DPF3: variants seen among roughly 807,000 people sequenced by gnomAD.
DPF3 encodes the protein double PHD fingers 3.
A neutral mutation model predicts 56.8 loss-of-function variants in DPF3; 18 were observed. The observed-to-expected ratio is 0.32, with a 90% CI of 0.22 to 0.47. The LOEUF (loss-of-function observed/expected upper bound fraction) is 0.47, where lower values mean the gene tolerates loss of function less well. DPF3 is among the 20% of genes least tolerant of loss of function. The probability of loss-of-function intolerance (pLI) is 1.00; values close to 1 mark genes in which losing one functional copy is unlikely to be tolerated. For synonymous variants in DPF3, 188 were observed against 180.2 expected (o/e 1.04, Z -0.35); for missense variants, 403 against 488.8 (o/e 0.82, Z 1.65).
At chr14:72,867,739 T>C (rs1190848595) in intron 1 of DPF3, among the ~76,000 whole-genome samples, 1 of 152,226 alleles carries the variant, frequency 6.6e-6, no homozygotes, top group Admixed American at 6.5e-5. Context: ...ATAAGTTTGT[T>C]TTTTGTTTTT....
intron 3 of DPF3, among the ~76,000 whole-genome samples, chr14:72,748,860 G>C (rs891982387): frequency 6.6e-6 from 1 of 152,210 alleles, no homozygotes; most frequent in African/African-American, 2.4e-5. Context: ...GGAAACCTCT[G>C]CCTAGATTTC....
At chr14:72,741,664 C>A (rs1163813936) in intron 3 of DPF3, among the ~76,000 whole-genome samples, 3 of 152,262 alleles carry the variant, frequency 2.0e-5, no homozygotes, top group African/African-American at 7.2e-5. Flanking sequence ...CTCTTTCCCT[C>A]ATCCCTTTAG....
intron 8 of DPF3, among the ~76,000 whole-genome samples, chr14:72,669,742 C>A (rs1886587667): frequency 6.6e-6 from 1 of 152,128 alleles, no homozygotes; most frequent in African/African-American, 2.4e-5. Flanking sequence ...GATCACACAC[C>A]TATGCCAGGG....
intron 8 of DPF3, among the ~76,000 whole-genome samples, chr14:72,668,644 A>T (rs879753691): frequency 1.3e-5 from 2 of 152,122 alleles, no homozygotes; most frequent in Non-Finnish European, 2.9e-5. Flanking sequence ...CTCTGAAATT[A>T]GGTAGCCTTT....
chr14:72,830,277 G>C (rs758563845), intron 1 of DPF3, among the ~76,000 whole-genome samples: 1 of 152,196 alleles, frequency 6.6e-6, no homozygotes, highest in African/African-American at 2.4e-5. Context: ...GGAGGGGAAG[G>C]AGAAGGGGGA....
intron 7 of DPF3, among the ~76,000 whole-genome samples, chr14:72,690,380 G>A (rs371879575): frequency 2.0e-4 from 30 of 152,144 alleles, no homozygotes; most frequent in South Asian, 1.5e-3. Flanking sequence ...CTTCTACTTC[G>A]GGTCTGCAGC....
chr14:72,865,477 C>T (rs752614863), intron 1 of DPF3, among the ~76,000 whole-genome samples: 16 of 152,332 alleles, frequency 1.1e-4, no homozygotes, highest in Middle Eastern at 3.4e-3. Flanking sequence ...CGACGAAGTT[C>T]CTGCTTCTTG....
At chr14:72,623,375 A>G (rs1037855835) in intron 9 of DPF3, among the ~76,000 whole-genome samples, 1 of 152,258 alleles carries the variant, frequency 6.6e-6, no homozygotes. Flanking sequence ...AATTGGTAGC[A>G]TAACCACACA....
intron 8 of DPF3, among the ~76,000 whole-genome samples, chr14:72,638,197 T>G (rs1030106944): frequency 6.6e-6 from 1 of 152,234 alleles, no homozygotes; most frequent in Non-Finnish European, 1.5e-5. Flanking sequence ...TTTTAAATGC[T>G]TCTCTGGATT....
intron 2 of DPF3, among the ~76,000 whole-genome samples, chr14:72,759,764 G>A (rs1183240142): frequency 6.6e-6 from 1 of 151,928 alleles, no homozygotes; most frequent in East Asian, 1.9e-4. Context: ...TAGTGATAAA[G>A]AGAAAATATT....
At chr14:72,854,290 A>T (rs1599497864) in intron 1 of DPF3, among the ~76,000 whole-genome samples, 1 of 151,284 alleles carries the variant, frequency 6.6e-6, no homozygotes, top group Non-Finnish European at 1.5e-5. Context: ...CGGGAGGTGG[A>T]GGTTGCAGTG....
At chr14:72,621,532 A>G (rs1214036990) in intron 9 of DPF3, among the ~76,000 whole-genome samples, 1 of 152,220 alleles carries the variant, frequency 6.6e-6, no homozygotes, top group Admixed American at 6.5e-5. Context: ...TTGTCATGCT[A>G]AAACCCGTCA....
intron 10 of DPF3, among the ~76,000 whole-genome samples, chr14:72,619,612 C>G (rs1473565390): frequency 6.6e-6 from 1 of 152,206 alleles, no homozygotes; most frequent in African/African-American, 2.4e-5. Flanking sequence ...GTCGCCGGGC[C>G]TGCGCCAGTT....
chr14:72,773,780 T>C (rs1891641459), intron 1 of DPF3: 1 of 453,788 alleles, frequency 2.2e-6, no homozygotes, highest in South Asian at 1.6e-5. Flanking sequence ...TAACCTATAT[T>C]ATAGCATATG....
intron 7 of DPF3, among the ~76,000 whole-genome samples, chr14:72,690,703 G>C (rs1887644184): frequency 6.6e-6 from 1 of 151,986 alleles, no homozygotes; most frequent in African/African-American, 2.4e-5. Flanking sequence ...AGGAAAATGA[G>C]ACACAGACAG....
At chr14:72,654,452 T>G (rs1179775224) in intron 8 of DPF3, among the ~76,000 whole-genome samples, 2 of 152,170 alleles carry the variant, frequency 1.3e-5, no homozygotes, top group Non-Finnish European at 2.9e-5. Flanking sequence ...TAAATGGTCT[T>G]GTCTTGAATA....
At chr14:72,706,980 C>G (rs1287114377) in intron 6 of DPF3, among the ~76,000 whole-genome samples, 4 of 152,132 alleles carry the variant, frequency 2.6e-5, no homozygotes, top group Non-Finnish European at 4.4e-5. Context: ...TACCCCCTCC[C>G]CCAACCCCAC....
At chr14:72,639,382 C>G (rs1885477842) in intron 8 of DPF3, among the ~76,000 whole-genome samples, 2 of 152,112 alleles carry the variant, frequency 1.3e-5, no homozygotes. Flanking sequence ...TCATTCTCCC[C>G]CCTTGAGTGT....
At chr14:72,764,189 C>T (rs189660828) in intron 2 of DPF3, among the ~76,000 whole-genome samples, 1 of 152,172 alleles carries the variant, frequency 6.6e-6, no homozygotes, top group African/African-American at 2.4e-5. Context: ...CCACCTCTGA[C>T]CTCCAGGAAG....
Sources: gnomAD v4.1 joint callset for allele counts (sites outside exome capture counted in the v4.1 genomes callset) on GRCh38, gnomAD v4.1.1 for gene constraint, MANE v1.5 for transcripts, NCBI Gene and HGNC (gene_info 2026-07-23, HGNC 2026-07-21) for gene names.